PLCH1: variants seen among roughly 807,000 people sequenced by gnomAD.
PLCH1 encodes the protein 1-phosphatidylinositol 4,5-bisphosphate phosphodiesterase eta-1.
PLCH1 carries 60 observed loss-of-function variants against 126.7 expected under a neutral mutation model. The ratio of observed to expected loss-of-function variants is 0.47; its 90% CI spans 0.38 to 0.59. The LOEUF is 0.59. PLCH1 is among the 20% of genes least tolerant of loss of function. The probability of loss-of-function intolerance (pLI) is 0.00; values close to 1 mark genes in which losing one functional copy is unlikely to be tolerated. For synonymous variants in PLCH1, 719 were observed against 734.9 expected (o/e 0.98, Z 0.35); for missense variants, 1,723 against 2,040.0 (o/e 0.84, Z 2.99).
chr3:155,667,476 T>A (rs530079419), intron 2 of PLCH1, among the ~76,000 whole-genome samples: 91 of 152,036 alleles, frequency 6.0e-4, no homozygotes, highest in African/African-American at 2.1e-3. Flanking sequence ...TAGAATAGTG[T>A]CAGAAAAGTC....
chr3:155,739,316 CT>C (rs1229464002), intron 1 of PLCH1, among the ~76,000 whole-genome samples: 1 of 152,174 alleles, frequency 6.6e-6, no homozygotes, highest in Middle Eastern at 3.2e-3. Flanking sequence ...ACATCTAAAT[CT>C]TAGGATGTCA....
chr3:155,646,610 A>T (rs1257645059), intron 2 of PLCH1, among the ~76,000 whole-genome samples: 2 of 152,158 alleles, frequency 1.3e-5, no homozygotes, highest in African/African-American at 4.8e-5. Flanking sequence ...CCCTTCTAGG[A>T]ATAACCTTCT....
Position 155,482,014 on chromosome 3 carries a change from C to G in PLCH1, c.4012G>C (p.Ala1338Pro). 1 of 1,614,110 alleles carries G rather than the reference C, an allele frequency of 6.2e-7. No individual in the cohort carries two copies. Among genetic ancestry groups the G allele is most frequent in the Non-Finnish European group, 8.5e-7 (1 of 1,179,984 alleles). Residue 1338 changes from alanine to proline, a missense_variant, in exon 23 of 23, where the codon GCT (alanine) becomes CCT (proline). Physicochemically the swap from Ala to Pro is conservative, Grantham distance 27 (BLOSUM62 -1). Coordinates refer to ENST00000460012, the MANE Select transcript of PLCH1 (RefSeq NM_014996.4). ...GAATTGAAACAGAGAGTGGGATCAGCTATTACATCCTCCAGGGTCAAATCA... is the reference window on the plus strand; with the variant it reads ...GAATTGAAACAGAGAGTGGGATCAGGTATTACATCCTCCAGGGTCAAATCA... ...SPDLTLEDVI[A>P]DPTLCFNSGE...
At chr3:155,528,617 A>G (rs1277131860) in intron 10 of PLCH1, among the ~76,000 whole-genome samples, 1 of 152,252 alleles carries the variant, frequency 6.6e-6, no homozygotes, top group African/African-American at 2.4e-5. Flanking sequence ...ATAAAAACCA[A>G]CATATGTTTT....
In PLCH1 at chr3:155,705,305, C is replaced by T. The variant is rs150804129; in HGVS notation, c.-40-1041G>A. ...TTTTGTCAGAGCTTCTCCTTGGCTC[C>T]CTATGGCCCAACCTTAACCCACAAC... On this transcript the variant is annotated intron_variant, in intron 1 of 22. Transcript: ENST00000460012. 3.2e-4 allele frequency among the ~76,000 whole-genome samples: 48 copies of T among 152,190 alleles called. 1 individual carries two copies. The East Asian group carries it at 8.9e-3, about 28-fold the overall frequency.
intron 5 of PLCH1, among the ~76,000 whole-genome samples, chr3:155,584,381 T>C (rs532628121): frequency 1.4e-3 from 208 of 152,356 alleles, no homozygotes; most frequent in African/African-American, 4.9e-3. Context: ...TTGATGCTCT[T>C]AAAGCCATGG....
At chr3:155,490,957 T>C (rs1716085084) in intron 18 of PLCH1, 89 bp from the exon 19 acceptor site, 2 of 713,198 alleles carry the variant, frequency 2.8e-6, no homozygotes, top group South Asian at 3.4e-5. Flanking sequence ...AATGTCTACA[T>C]TTCGACAGCA....
chr3:155,556,456 T>C (rs1726836776), intron 8 of PLCH1, among the ~76,000 whole-genome samples: 1 of 152,256 alleles, frequency 6.6e-6, no homozygotes, highest in Non-Finnish European at 1.5e-5. Context: ...TTTTGTGTAT[T>C]ACCCCAGGAG....
intron 5 of PLCH1, 71 bp from the exon 6 acceptor site, chr3:155,583,713 A>C: frequency 9.2e-7 from 1 of 1,089,824 alleles, no homozygotes; most frequent in Non-Finnish European, 1.3e-6. Flanking sequence ...GGGAAATAAT[A>C]TTTACTATAA....
At chr3:155,708,121 T>C (rs890483601) in intron 1 of PLCH1, among the ~76,000 whole-genome samples, 2 of 152,158 alleles carry the variant, frequency 1.3e-5, no homozygotes, top group African/African-American at 4.8e-5. Flanking sequence ...ATTAGAATCA[T>C]CTGGGAAGCT....
At chr3:155,705,435 T>C (rs570944455) in intron 1 of PLCH1, among the ~76,000 whole-genome samples, 14 of 152,222 alleles carry the variant, frequency 9.2e-5, no homozygotes, top group African/African-American at 3.4e-4. Context: ...TCTGACTGCT[T>C]ATCCTACTCC....
intron 2 of PLCH1, among the ~76,000 whole-genome samples, chr3:155,697,641 G>A (rs78619433): frequency 0.021 from 3,252 of 152,288 alleles, 131 homozygotes; most frequent in African/African-American, 0.074. Context: ...CTTTCAGTCT[G>A]TAGAGCTCCA....
chr3:155,724,893 AG>A (rs1288637233), intron 1 of PLCH1, among the ~76,000 whole-genome samples: 1 of 148,010 alleles, frequency 6.8e-6, no homozygotes, highest in African/African-American at 2.5e-5. Flanking sequence ...TGCTTTAAGA[AG>A]GTTCTGTTTT....
At chr3:155,572,623 C>T (rs1729360899) in intron 6 of PLCH1, among the ~76,000 whole-genome samples, 2 of 151,818 alleles carry the variant, frequency 1.3e-5, no homozygotes, top group African/African-American at 4.8e-5. Flanking sequence ...AAGTTTCTCC[C>T]TTCTATTTTC....
chr3:155,629,737 C>T (rs10212586), intron 2 of PLCH1, among the ~76,000 whole-genome samples: 73,795 of 151,914 alleles, frequency 0.49, 20,318 homozygotes, highest in African/African-American at 0.74. Context: ...CCACTGGGAG[C>T]GTAATTAATC....
chr3:155,660,874 A>T (rs1024010272), intron 2 of PLCH1, among the ~76,000 whole-genome samples: 2 of 152,216 alleles, frequency 1.3e-5, no homozygotes, highest in African/African-American at 4.8e-5. Context: ...AGGTAATTGA[A>T]TTTCATATGA....
chr3:155,700,132 C>T (rs1577339632), intron 2 of PLCH1, among the ~76,000 whole-genome samples: 1 of 152,182 alleles, frequency 6.6e-6, no homozygotes, highest in South Asian at 2.1e-4. Context: ...TGACATGAGG[C>T]TACACAAGTT....
At chr3:155,719,977 G>C (rs1747827239) in intron 1 of PLCH1, among the ~76,000 whole-genome samples, 2 of 152,006 alleles carry the variant, frequency 1.3e-5, no homozygotes. Context: ...TGTATTTTTA[G>C]TAGAGATGAG....
At chr3:155,545,859 A>C (rs1434333927) in intron 10 of PLCH1, among the ~76,000 whole-genome samples, 1 of 152,228 alleles carries the variant, frequency 6.6e-6, no homozygotes, top group African/African-American at 2.4e-5. Context: ...AAAAACTCTC[A>C]ATAAAGTAGG....
Sources: allele counts gnomAD v4.1 joint callset (sites outside exome capture counted in the v4.1 genomes callset), GRCh38; gene constraint gnomAD v4.1.1; transcripts MANE v1.5; gene names NCBI Gene and HGNC (gene_info 2026-07-23, HGNC 2026-07-21).